The following RAB10 variants were observed in gnomAD, a reference collection of about 807,000 sequenced individuals.
RAB10 encodes the protein RAB10, member RAS oncogene family.
A neutral mutation model predicts 25.7 loss-of-function variants in RAB10; 5 were observed. The ratio of observed to expected loss-of-function variants is 0.19; its 90% confidence interval spans 0.10 to 0.41. The LOEUF (loss-of-function observed/expected upper bound fraction) is 0.41, where lower values mean the gene tolerates loss of function less well. Among genes scored for constraint, RAB10 ranks in the 10% least tolerant of loss-of-function variants. The pLI, the probability that RAB10 is intolerant of heterozygous loss-of-function variation, is 1.00. For synonymous variants in RAB10, 89 were observed against 86.4 expected (o/e 1.03, Z -0.16); for missense variants, 103 against 245.8 (o/e 0.42, Z 3.89).
At chr2:26,132,781 A>G (rs1215301142) in intron 5 of RAB10, among the ~76,000 whole-genome samples, 1 of 124,862 alleles carries the variant, frequency 8.0e-6, no homozygotes, top group African/African-American at 3.0e-5. Flanking sequence ...CTTTTTTTTA[A>G]ATCTGTTTCA....
intron 1 of RAB10, among the ~76,000 whole-genome samples, chr2:26,048,588 C>T (rs1463723765): frequency 6.6e-6 from 1 of 152,146 alleles, no homozygotes; most frequent in Non-Finnish European, 1.5e-5. Flanking sequence ...ATTCTTTGTA[C>T]ATTTAAAATT....
chr2:26,115,823 T>C (rs923928919), intron 3 of RAB10, among the ~76,000 whole-genome samples: 3 of 151,888 alleles, frequency 2.0e-5, no homozygotes, highest in Non-Finnish European at 2.9e-5. Context: ...CCTTGAACAA[T>C]GTGGGTTTGA....
Position 26,137,438 on chromosome 2 carries a change from A to G in RAB10, c.*2417A>G, listed in dbSNP as rs1668133922. The G allele has an allele frequency of 3.3e-5, 5 of 152,784 alleles. 1 individual carries two copies. The South Asian group carries it at 1.0e-3, about 32-fold the overall frequency. 9.5% of individuals were successfully genotyped at this position (152,784 alleles called of 1,614,324 possible). The stretch of plus-strand genomic sequence containing the variant: ...ATGGTCTACTTCTGTTCATATAAAA[A>G]CAAAACTTGATTTCCAGCTGTGTGG... On this transcript the variant is annotated 3_prime_UTR_variant, in exon 6 of 6. Transcript: ENST00000264710.
At position 26,135,894 on chromosome 2, in the gene RAB10, A is replaced by G. The variant is rs1668102143; in HGVS notation, c.*873A>G. 6.6e-6 allele frequency: 1 copy of G among 152,604 alleles called. No homozygotes were observed. The highest frequency in any genetic ancestry group is 2.4e-5 in the African/African-American group (1 of 41,456). The allele number at this position is 152,604 out of a possible 1,614,324, so 9.5% of individuals were successfully genotyped here. On this transcript the variant is annotated 3_prime_UTR_variant, in exon 6 of 6. Transcript: ENST00000264710. ...TTGTCAAGTTTAATATAAAGCACTGATGTAACTTGCTAGGTAAACGGAAAG... is the reference window on the plus strand; with the variant it reads ...TTGTCAAGTTTAATATAAAGCACTGGTGTAACTTGCTAGGTAAACGGAAAG...
At chr2:26,113,532 C>G (rs1448995482) in intron 3 of RAB10, among the ~76,000 whole-genome samples, 1 of 151,604 alleles carries the variant, frequency 6.6e-6, no homozygotes. Context: ...CAAGATCGTG[C>G]CATTGTGCTC....
intron 1 of RAB10, among the ~76,000 whole-genome samples, chr2:26,067,598 A>G (rs766997982): frequency 1.3e-5 from 2 of 152,200 alleles, no homozygotes; most frequent in East Asian, 1.9e-4. Context: ...GCCTGTTACC[A>G]TACTTGATAT....
rs550863529 is a variant in RAB10 at position 26,050,370 on chromosome 2, ATTAT to A, written c.127+15644_127+15647del. On this transcript the variant is annotated intron_variant, in intron 1 of 5. Coordinates refer to ENST00000264710, the MANE Select transcript of RAB10 (RefSeq NM_016131.5). ...TTCTTTATCCTTTATTTGTAGGATA[ATTAT>A]TTATTTATAGTAGCCTAGTTTATCT... 2.6e-5 allele frequency among the ~76,000 whole-genome samples: 4 copies of A among 152,248 alleles called. No individual in the cohort carries two copies. The South Asian group carries it at 8.3e-4, about 32-fold the overall frequency.
rs547164653 is a variant in RAB10 at position 26,059,836 on chromosome 2, CACA to C, written c.127+25105_127+25107del. ...ATGAAAAAGTTCTGGAGATACGTTTCACAACACTGAAAATTGCTACTGAACTGT... is the reference window on the plus strand; with the variant it reads ...ATGAAAAAGTTCTGGAGATACGTTTCACACTGAAAATTGCTACTGAACTGT... On this transcript the variant is annotated intron_variant, in intron 1 of 5. Transcript: ENST00000264710. Among the ~76,000 whole-genome samples, 632 of 152,264 alleles carry C rather than the reference CACA, an allele frequency of 4.2e-3. 3 individuals carry two copies. Among genetic ancestry groups the C allele is most frequent in the African/African-American group, 0.014 (590 of 41,546 alleles).
rs577981686 is a variant in RAB10, at chr2:26,106,582, C to T, written c.189-3186C>T. Reference sequence around the variant, plus strand: ...TTGAAATTAACTCAAAATGTACCATCGGTTTAATAAAACCATAAGGTGGCC... The same window carrying T: ...TTGAAATTAACTCAAAATGTACCATTGGTTTAATAAAACCATAAGGTGGCC... On this transcript the variant is annotated intron_variant, in intron 2 of 5. Transcript: ENST00000264710. Among the ~76,000 whole-genome samples, 65 of 152,282 alleles carry T rather than the reference C, an allele frequency of 4.3e-4. 2 individuals are homozygous for T. In the South Asian group the frequency reaches 0.013, roughly 30 times the overall value.
At chr2:26,100,150 T>C (rs933139589) in intron 2 of RAB10, among the ~76,000 whole-genome samples, 1 of 152,184 alleles carries the variant, frequency 6.6e-6, no homozygotes, top group African/African-American at 2.4e-5. Flanking sequence ...ACATTATTTT[T>C]AGGTTTGCAT....
intron 1 of RAB10, among the ~76,000 whole-genome samples, chr2:26,070,450 C>T (rs7596168): frequency 1.3e-5 from 2 of 151,966 alleles, no homozygotes; most frequent in South Asian, 2.1e-4. Flanking sequence ...TTTTTATTCT[C>T]GGAATTGAGT....
chr2:26,126,791 A>G (rs1277049209), intron 3 of RAB10, among the ~76,000 whole-genome samples: 3 of 152,208 alleles, frequency 2.0e-5, no homozygotes, highest in South Asian at 2.1e-4. Flanking sequence ...TAAGGCTTCT[A>G]TAGGGTAGTA....
At chr2:26,090,572 T>G (rs60411402) in intron 1 of RAB10, among the ~76,000 whole-genome samples, 272 of 152,090 alleles carry the variant, frequency 1.8e-3, no homozygotes, top group African/African-American at 6.3e-3. Flanking sequence ...ATGTCAGACC[T>G]CTTGGTTTGC....
At chr2:26,078,789 G>A (rs1666796324) in intron 1 of RAB10, among the ~76,000 whole-genome samples, 1 of 152,038 alleles carries the variant, frequency 6.6e-6, no homozygotes. Context: ...ATATAGAGGA[G>A]CAAAGATAGG....
chr2:26,034,858 C>A, intron 1 of RAB10, 123 bp downstream of exon 1: 1 of 1,374,172 alleles, frequency 7.3e-7, no homozygotes, highest in Non-Finnish European at 1.0e-6. Context: ...AACGACACAT[C>A]CAAGTTACTG....
chr2:26,117,708 C>G (rs1447184287), intron 3 of RAB10, among the ~76,000 whole-genome samples: 2 of 151,578 alleles, frequency 1.3e-5, no homozygotes, highest in African/African-American at 4.8e-5. Context: ...ACTAACATAG[C>G]CTGGGAGGTG....
At chr2:26,061,022 T>G (rs1666382207) in intron 1 of RAB10, among the ~76,000 whole-genome samples, 1 of 151,490 alleles carries the variant, frequency 6.6e-6, no homozygotes, top group African/African-American at 2.4e-5. Flanking sequence ...TAACTTGATT[T>G]GCTTCTTTAA....
intron 1 of RAB10, 55 bp from the exon 2 acceptor site, chr2:26,098,607 A>T: frequency 7.6e-7 from 1 of 1,313,892 alleles, no homozygotes; most frequent in Non-Finnish European, 1.1e-6. Flanking sequence ...GATTAATTTT[A>T]GTATAGCCAA....
intron 1 of RAB10, among the ~76,000 whole-genome samples, chr2:26,056,549 A>G (rs35340163): frequency 0.037 from 5,676 of 152,258 alleles, 123 homozygotes; most frequent in Middle Eastern, 0.062. Flanking sequence ...GACTACATTT[A>G]TCTAGAAATT....
Sources: allele counts gnomAD v4.1 joint callset (sites outside exome capture counted in the v4.1 genomes callset), GRCh38; gene constraint gnomAD v4.1.1; transcripts MANE v1.5; gene names NCBI Gene and HGNC (gene_info 2026-07-23, HGNC 2026-07-21).